GRAMD1C: variants seen among roughly 807,000 people sequenced by gnomAD.
The protein encoded by GRAMD1C is GRAM domain containing 1C, also known as protein Aster-C.
Under a neutral mutation model 97.8 loss-of-function variants are expected in GRAMD1C, and 89 were observed. That is an observed-to-expected ratio of 0.91 (90% CI 0.77 to 1.09). The LOEUF (loss-of-function observed/expected upper bound fraction) is 1.09, where lower values mean the gene tolerates loss of function less well. Ranked by LOEUF, GRAMD1C falls within the 50% of genes least tolerant of loss-of-function variation. The probability of loss-of-function intolerance (pLI) is 0.00; values close to 1 mark genes in which losing one functional copy is unlikely to be tolerated. For missense variants in GRAMD1C, 740 were observed against 766.4 expected (o/e 0.97, Z 0.41); for synonymous variants, 256 against 267.0 (o/e 0.96, Z 0.40).
chr3:113,878,728 G>C (rs1406884248), intron 5 of GRAMD1C, among the ~76,000 whole-genome samples: 1 of 152,024 alleles, frequency 6.6e-6, no homozygotes, highest in Non-Finnish European at 1.5e-5. Flanking sequence ...TCCCTTCCGT[G>C]GCTATGAGAA....
intron 8 of GRAMD1C, among the ~76,000 whole-genome samples, chr3:113,907,443 A>G (rs1467772801): frequency 1.3e-5 from 2 of 152,172 alleles, no homozygotes; most frequent in Admixed American, 1.3e-4. Flanking sequence ...AAGATCGATC[A>G]TACATTCATT....
intron 10 of GRAMD1C, chr3:113,919,542 ATT>A: frequency 1.8e-6 from 1 of 555,338 alleles, no homozygotes; most frequent in Middle Eastern, 4.5e-4. Context: ...AGAAGTTATG[ATT>A]TTGAGTTTAT....
chr3:113,850,473 C>T (rs909817902), intron 2 of GRAMD1C: 126 of 1,484,742 alleles, frequency 8.5e-5, no homozygotes, highest in Non-Finnish European at 1.0e-4. Flanking sequence ...GCACAGTCTC[C>T]GGGGCAGATG....
intron 2 of GRAMD1C, among the ~76,000 whole-genome samples, chr3:113,862,849 T>TC (rs1186064066): frequency 6.6e-6 from 1 of 152,184 alleles, no homozygotes; most frequent in Non-Finnish European, 1.5e-5. Context: ...CTTCAGCCGG[T>TC]CCCTCTGTTC....
chr3:113,849,502 G>A (rs1577122096), intron 2 of GRAMD1C, among the ~76,000 whole-genome samples: 2 of 151,498 alleles, frequency 1.3e-5, no homozygotes, highest in South Asian at 4.2e-4. Context: ...GACTCTTAAC[G>A]AGCATGCTGC....
chr3:113,900,130 G>C (rs145636286), intron 6 of GRAMD1C, among the ~76,000 whole-genome samples: 2,245 of 151,936 alleles, frequency 0.015, 50 homozygotes, highest in African/African-American at 0.051. Context: ...AGGCTGAGGA[G>C]GGTGGATCAC....
At chr3:113,944,972 G>A (rs1937997675) in intron 17 of GRAMD1C, among the ~76,000 whole-genome samples, 2 of 152,204 alleles carry the variant, frequency 1.3e-5, no homozygotes, top group Admixed American at 6.5e-5. Flanking sequence ...GAATGACTGG[G>A]GAAAACTACA....
intron 10 of GRAMD1C, among the ~76,000 whole-genome samples, chr3:113,929,523 T>C (rs1028459027): frequency 6.6e-6 from 1 of 152,232 alleles, no homozygotes; most frequent in Non-Finnish European, 1.5e-5. Flanking sequence ...TTAAATTACA[T>C]CTTTAAATTT....
chr3:113,836,476 C>G (rs1450672960), upstream of GRAMD1C, among the ~76,000 whole-genome samples: 5 of 151,382 alleles, frequency 3.3e-5, no homozygotes, highest in Admixed American at 3.3e-4. Flanking sequence ...TATTCATCTT[C>G]GTGGAAGCAT....
chr3:113,867,268 G>A (rs1419582467), intron 2 of GRAMD1C, among the ~76,000 whole-genome samples: 1 of 152,006 alleles, frequency 6.6e-6, no homozygotes, highest in Admixed American at 6.6e-5. Flanking sequence ...TAATTTTCTT[G>A]CAGCTTGAAG....
chr3:113,837,865 G>A (rs543483338), upstream of GRAMD1C, among the ~76,000 whole-genome samples: 6 of 152,304 alleles, frequency 3.9e-5, no homozygotes, highest in East Asian at 9.6e-4. Flanking sequence ...CAGAGATTGC[G>A]CCACCGCACT....
intron 14 of GRAMD1C, chr3:113,936,643 C>G (rs1559826565): frequency 2.4e-6 from 1 of 415,450 alleles, no homozygotes; most frequent in East Asian, 3.8e-5. Flanking sequence ...AAGCATATAA[C>G]CAATATATTT....
In GRAMD1C at chr3:113,875,499, T is replaced by G; in HGVS notation, c.275T>G (p.Leu92Arg). The G allele has an allele frequency of 6.8e-7, 1 of 1,479,024 alleles. No homozygotes were observed. Among genetic ancestry groups the G allele is most frequent in the Non-Finnish European group, 9.5e-7 (1 of 1,055,376 alleles). The allele number at this position is 1,479,024 out of a possible 1,614,324, so 91.6% of individuals were successfully genotyped here. Residue 92 changes from leucine to arginine, a missense_variant, in exon 4 of 18, where the codon CTT (leucine) becomes CGT (arginine). Leu to Arg is a moderately radical substitution (Grantham distance 102, BLOSUM62 -2). Coordinates refer to ENST00000358160, the MANE Select transcript of GRAMD1C (RefSeq NM_017577.5). ...GTGTATATAGATTATGCTTGTGCTCTTCAGAGGGACATTTTGCTTCAGGGA... is the reference window on the plus strand; with the variant it reads ...GTGTATATAGATTATGCTTGTGCTCGTCAGAGGGACATTTTGCTTCAGGGA... The part of the protein sequence containing the change: ...ERLIADYACA[L>R]QRDILLQGRL...
rs1427737212 is a variant in GRAMD1C at position 113,944,541 on chromosome 3, C to G, written c.1909-857C>G. On this transcript the variant is annotated intron_variant, in intron 17 of 17. Transcript: ENST00000358160. ...GTCCAAAACAGAAGTCAATTTTCCT[C>G]TAATCCAAAACCTAATTCTCTAGTG... 5.8e-4 allele frequency among the ~76,000 whole-genome samples: 89 copies of G among 152,230 alleles called. 1 individual carries two copies. Among genetic ancestry groups the G allele is most frequent in the Admixed American group, 5.8e-3 (88 of 15,278 alleles).
At chr3:113,905,218 C>T (rs1020231191) in intron 8 of GRAMD1C, among the ~76,000 whole-genome samples, 6 of 152,198 alleles carry the variant, frequency 3.9e-5, no homozygotes, top group African/African-American at 1.4e-4. Context: ...CCAATGGGAG[C>T]CCCTTCAAGT....
At chr3:113,882,652 GTTTGT>G (rs1402199536) in intron 5 of GRAMD1C, 95 bp from the exon 6 acceptor site, 9 of 689,954 alleles carry the variant, frequency 1.3e-5, no homozygotes, top group Non-Finnish European at 2.4e-5. Context: ...TGACCTACTA[GTTTGT>G]TTTAACCATA....
chr3:113,898,799 T>C (rs1024348169), intron 6 of GRAMD1C, among the ~76,000 whole-genome samples: 4 of 152,152 alleles, frequency 2.6e-5, no homozygotes, highest in African/African-American at 7.2e-5. Flanking sequence ...TTTTAGATAA[T>C]TGGATATTTT....
At chr3:113,900,570 G>A (rs1030941059) in intron 6 of GRAMD1C, among the ~76,000 whole-genome samples, 1 of 149,178 alleles carries the variant, frequency 6.7e-6, no homozygotes, top group South Asian at 2.2e-4. Context: ...ATAGGTGTGC[G>A]CCACCATGCC....
upstream of GRAMD1C, among the ~76,000 whole-genome samples, chr3:113,836,390 A>G (rs2108061962): frequency 6.6e-6 from 1 of 152,356 alleles, no homozygotes; most frequent in South Asian, 2.1e-4. Context: ...TGTAAACAGT[A>G]AAAGAATAAC....
Sources: allele counts gnomAD v4.1 joint callset (sites outside exome capture counted in the v4.1 genomes callset), GRCh38; gene constraint gnomAD v4.1.1; transcripts MANE v1.5; gene names NCBI Gene and HGNC (gene_info 2026-07-23, HGNC 2026-07-21).